Variants in COA6 observed in about 807,000 individuals in gnomAD.
COA6 encodes the protein cytochrome c oxidase assembly factor 6, also known as cytochrome c oxidase assembly factor 6 homolog.
COA6 carries 12 observed loss-of-function variants against 17.1 expected under a neutral mutation model. The observed-to-expected ratio is 0.70, with a 90% confidence interval of 0.45 to 1.14. COA6 has a LOEUF of 1.14. COA6 is among the 50% of genes most tolerant of loss of function. The probability of loss-of-function intolerance (pLI) is 0.00; values close to 1 mark genes in which losing one functional copy is unlikely to be tolerated. For missense variants in COA6, 246 were observed against 196.5 expected (o/e 1.25, Z -1.51); for synonymous variants, 90 against 73.4 (o/e 1.23, Z -1.16).
intron 2 of COA6, among the ~76,000 whole-genome samples, chr1:234,377,636 C>T (rs1658847678): frequency 2.0e-5 from 3 of 152,208 alleles, no homozygotes; most frequent in African/African-American, 7.2e-5. Context: ...AGCTCAGCTG[C>T]TGTCCAGCTT....
intron 1 of COA6, 83 bp downstream of exon 1, chr1:234,373,761 C>T (rs1189567600): frequency 6.2e-7 from 1 of 1,613,844 alleles, no homozygotes; most frequent in South Asian, 1.1e-5. Context: ...CCGCGGGTTC[C>T]TCTTGTGCAA....
chr1:234,374,921 G>T (rs1012880333), intron 2 of COA6, among the ~76,000 whole-genome samples: 1 of 152,150 alleles, frequency 6.6e-6, no homozygotes, highest in African/African-American at 2.4e-5. Flanking sequence ...TTGGAAAGAG[G>T]ACTATTACTG....
chr1:234,383,688 T>C, intron 2 of COA6, 35 bp from the exon 3 acceptor site: 1 of 843,898 alleles, frequency 1.2e-6, no homozygotes. Context: ...GCTGCATAAC[T>C]TGCCCTTATT....
chr1:234,382,997 A>G (rs1339979426), intron 2 of COA6, among the ~76,000 whole-genome samples: 2 of 121,586 alleles, frequency 1.6e-5, no homozygotes, highest in African/African-American at 6.5e-5. Context: ...ACAGAGCGAG[A>G]CTCTCTGTCA....
rs1421548092 is a variant in COA6 at position 234,384,960 on chromosome 1, A to AAGTT, written c.*1144_*1147dup. On this transcript the variant is annotated 3_prime_UTR_variant, in exon 3 of 3. Coordinates refer to ENST00000366615, the MANE Select transcript of COA6 (RefSeq NM_001206641.3). ...TGTTTTGGTTTTCCAGTACACATAG[A>AAGTT]AGTTATGTTTATACTGTTGTCTAGT... 6.6e-6 allele frequency among the ~76,000 whole-genome samples: 1 copy of AAGTT among 152,194 alleles called. No homozygotes were observed. The highest frequency in any genetic ancestry group is 1.5e-5 in the Non-Finnish European group (1 of 68,038).
At position 234,383,994 on chromosome 1, in the gene COA6, T is replaced by G. The variant is rs1659058906; in HGVS notation, c.*176T>G. On this transcript the variant is annotated 3_prime_UTR_variant, in exon 3 of 3. Coordinates refer to ENST00000366615, the MANE Select transcript of COA6 (RefSeq NM_001206641.3). ...GTGAAGAAATGAAATAAAATGGTAT[T>G]TAGTAAGAAATCTCTATTTTAAGAA... 2.2e-6 allele frequency: 1 copy of G among 449,414 alleles called. No individual in the cohort carries two copies. The highest frequency in any genetic ancestry group is 4.1e-6 in the Non-Finnish European group (1 of 246,820). 27.8% of individuals were successfully genotyped at this position (449,414 alleles called of 1,614,324 possible).
rs950524421 is a variant in COA6 at position 234,374,466 on chromosome 1, A to T, written c.372+77A>T. 9.7e-6 allele frequency: 14 copies of T among 1,445,944 alleles called. No homozygotes were observed. The African/African-American group carries it at 1.6e-4, about 16-fold the overall frequency. The allele number at this position is 1,445,944 out of a possible 1,614,324, so 89.6% of individuals were successfully genotyped here. A position where few individuals can be genotyped will look rare whatever the true frequency, so the allele number is the denominator to read the frequency against. On this transcript the variant is annotated intron_variant, in intron 2 of 2. Transcript: ENST00000366615. ...ATACTGTGAGTGGTAGGCTGACATG[A>T]AGCGCTCTCTGAGGCATGTCAATTA...
intron 2 of COA6, among the ~76,000 whole-genome samples, chr1:234,375,342 C>T (rs1414431865): frequency 6.6e-6 from 1 of 152,138 alleles, no homozygotes; most frequent in East Asian, 1.9e-4. Flanking sequence ...AAGCTCAGAG[C>T]ATTGAAGTAA....
intron 2 of COA6, among the ~76,000 whole-genome samples, chr1:234,382,919 A>G (rs1027547440): frequency 2.0e-5 from 3 of 151,964 alleles, no homozygotes; most frequent in African/African-American, 7.3e-5. Context: ...AGGCCAGAGA[A>G]TAGCTTGAAC....
chr1:234,383,907 A>G lies in COA6; in HGVS notation c.*89A>G, dbSNP rs1212505804. Reference sequence around the variant, plus strand: ...AGTAATAGTTTGAATCATAGTGAACATCAATACTTGTTCCCTATATACGAC... The same window carrying G: ...AGTAATAGTTTGAATCATAGTGAACGTCAATACTTGTTCCCTATATACGAC... On this transcript the variant is annotated 3_prime_UTR_variant, in exon 3 of 3. Coordinates refer to ENST00000366615, the MANE Select transcript of COA6 (RefSeq NM_001206641.3). 2 of 662,974 alleles carry G rather than the reference A, an allele frequency of 3.0e-6. No individual in the cohort carries two copies. Among genetic ancestry groups the G allele is most frequent in the African/African-American group, 3.6e-5 (2 of 55,492 alleles). 41.1% of individuals were successfully genotyped at this position (662,974 alleles called of 1,614,324 possible).
At chr1:234,374,518 C>A in intron 2 of COA6, 129 bp downstream of exon 2, 1 of 853,740 alleles carries the variant, frequency 1.2e-6, no homozygotes, top group Non-Finnish European at 1.8e-6. Context: ...GCAGAGAAAA[C>A]CTTGCCTGGT....
chr1:234,373,990 C>CA, intron 1 of COA6: 1 of 1,066,256 alleles, frequency 9.4e-7, no homozygotes, highest in Non-Finnish European at 1.3e-6. Context: ...GCCGCCCCAG[C>CA]AGGGATCAAA....
intron 2 of COA6, among the ~76,000 whole-genome samples, chr1:234,378,584 C>T (rs1049928989): frequency 2.0e-5 from 3 of 152,150 alleles, no homozygotes; most frequent in Admixed American, 2.0e-4. Flanking sequence ...CAGAAACCTG[C>T]ACTGATGGGC....
intron 2 of COA6, among the ~76,000 whole-genome samples, chr1:234,375,572 T>C (rs557317194): frequency 3.3e-5 from 5 of 152,198 alleles, no homozygotes; most frequent in Non-Finnish European, 7.3e-5. Flanking sequence ...TGAAGGAGGC[T>C]ACAAGAAGGC....
At chr1:234,381,748 TGTAA>T (rs1431515943) in intron 2 of COA6, among the ~76,000 whole-genome samples, 3 of 152,104 alleles carry the variant, frequency 2.0e-5, no homozygotes, top group Non-Finnish European at 2.9e-5. Flanking sequence ...GGAAAAGAGA[TGTAA>T]GTGTCTAGGT....
chr1:234,375,312 A>G lies in COA6; in HGVS notation c.372+923A>G, dbSNP rs115516130. Among the ~76,000 whole-genome samples, 728 of 152,252 alleles carry G rather than the reference A, an allele frequency of 4.8e-3. 5 individuals are homozygous for G. The highest frequency in any genetic ancestry group is 0.017 in the African/African-American group (693 of 41,554). ...ACAGAGCGAGACGTTGTTATTCTCT[A>G]TCTCCAGAGGAGGCAGCTGAAGCTC... is the stretch of plus-strand genomic sequence containing the variant. On this transcript the variant is annotated intron_variant, in intron 2 of 2. Coordinates refer to ENST00000366615, the MANE Select transcript of COA6 (RefSeq NM_001206641.3).
rs73099933 is a variant in COA6 at position 234,374,226 on chromosome 1, A to G, written c.213-4A>G. On this transcript the variant is annotated splice_polypyrimidine_tract_variant and splice_region_variant and intron_variant, in intron 1 of 2. Transcript: ENST00000366615. ...TTAATCTCAAATATTATTTTGGCCA[A>G]CAGCTTCATCGCAGTAGGAATGGCA... 51,118 of 1,605,424 alleles carry G rather than the reference A, an allele frequency of 0.032. 3,603 individuals are homozygous for G. The highest frequency in any genetic ancestry group is 0.27 in the African/African-American group (20,170 of 74,176).
chr1:234,374,990 G>C (rs1032248026), intron 2 of COA6, among the ~76,000 whole-genome samples: 5 of 152,138 alleles, frequency 3.3e-5, no homozygotes, highest in Non-Finnish European at 7.4e-5. Flanking sequence ...ACCAGTACCT[G>C]TTAAGATAGG....
intron 2 of COA6, among the ~76,000 whole-genome samples, chr1:234,375,656 C>G (rs569554541): frequency 1.3e-5 from 2 of 152,204 alleles, no homozygotes; most frequent in African/African-American, 4.8e-5. Context: ...CTTTATTTTT[C>G]TTTCTTTAAT....
Sources: gnomAD v4.1 joint callset for allele counts (sites outside exome capture counted in the v4.1 genomes callset) on GRCh38, gnomAD v4.1.1 for gene constraint, MANE v1.5 for transcripts, NCBI Gene and HGNC (gene_info 2026-07-23, HGNC 2026-07-21) for gene names.